Variants in TYMS observed in about 807,000 individuals in gnomAD.
TYMS encodes the protein thymidylate synthase.
A neutral mutation model predicts 39.3 loss-of-function variants in TYMS; 21 were observed. The ratio of observed to expected loss-of-function variants is 0.54; its 90% CI spans 0.38 to 0.77. The LOEUF (loss-of-function observed/expected upper bound fraction) is 0.77. Among genes scored for constraint, TYMS ranks in the 30% least tolerant of loss-of-function variants. TYMS has a pLI of 0.00. For missense variants in TYMS, 273 were observed against 406.7 expected (o/e 0.67, Z 2.83); for synonymous variants, 171 against 162.2 (o/e 1.05, Z -0.41).
At chr18:659,960 G>A (rs1472592306) in intron 2 of TYMS, among the ~76,000 whole-genome samples, 1 of 152,196 alleles carries the variant, frequency 6.6e-6, no homozygotes, top group Non-Finnish European at 1.5e-5. Context: ...TGTAATCCTA[G>A]CTACTCAGGA....
At chr18:662,115 A>G (rs746524154) in intron 2 of TYMS, 31 bp from the exon 3 acceptor site, 100 of 1,572,398 alleles carry the variant, frequency 6.4e-5, no homozygotes, top group Non-Finnish European at 8.4e-5. Context: ...ATTTACCTGG[A>G]TGCCTGCTCT....
At position 673,058 on chromosome 18, in the gene TYMS, G is replaced by T; in HGVS notation, c.*61G>T. 7.0e-7 allele frequency: 1 copy of T among 1,432,182 alleles called. No homozygotes were observed. The highest frequency in any genetic ancestry group is 9.3e-7 in the Non-Finnish European group (1 of 1,075,436). 88.7% of individuals were successfully genotyped at this position (1,432,182 alleles called of 1,614,324 possible). A position where few individuals can be genotyped will look rare whatever the true frequency, so the allele number is the denominator to read the frequency against. ...CTTTAGGGGTTGGGCTGGATGCCGA[G>T]GTAAAAGTTCTTTTTGCTCTAAAAG... On this transcript the variant is annotated 3_prime_UTR_variant, in exon 7 of 7. Coordinates refer to ENST00000323274, the MANE Select transcript of TYMS (RefSeq NM_001071.4).
rs9953447 is a variant in TYMS at position 672,696 on chromosome 18, G to A, written c.805-164G>A. On this transcript the variant is annotated intron_variant, in intron 6 of 6. Coordinates refer to ENST00000323274, the MANE Select transcript of TYMS (RefSeq NM_001071.4). ...TCTGTGCAAGAGAACAGCTGGTTGCGCTCCAATCATGTTACATAACCTACG... is the reference window on the plus strand; with the variant it reads ...TCTGTGCAAGAGAACAGCTGGTTGCACTCCAATCATGTTACATAACCTACG... 4.3e-4 allele frequency: 282 copies of A among 648,896 alleles called. No homozygotes were observed. In the East Asian group the frequency reaches 6.9e-3, roughly 16 times the overall value. The allele number at this position is 648,896 out of a possible 1,614,324, so 40.2% of individuals were successfully genotyped here.
chr18:659,695 A>C lies in TYMS; in HGVS notation c.260A>C (p.Glu87Ala), dbSNP rs1182954109. Residue 87 changes from glutamate to alanine, a missense_variant, in exon 2 of 7, where the codon GAG becomes GCG. Transcript: ENST00000323274. ...KRVFWKGVLE[E>A]LLWFIKGSTN... ...GTGTTCTGGAAGGGTGTTTTGGAGG[A>C]GTTGCTGTGGTTTATCAAGGTAAAG... 6.2e-7 allele frequency: 1 copy of C among 1,614,028 alleles called. No homozygotes were observed. Among genetic ancestry groups the C allele is most frequent in the Non-Finnish European group, 8.5e-7 (1 of 1,179,980 alleles).
At chr18:663,307 A>T (rs1288111329) in intron 3 of TYMS, among the ~76,000 whole-genome samples, 1 of 97,198 alleles carries the variant, frequency 1.0e-5, no homozygotes, top group Non-Finnish European at 1.9e-5. Context: ...GGCTGCATAA[A>T]TGTCTTCTTT....
At chr18:671,773 GT>G (rs2075062542) in intron 6 of TYMS, 1 of 291,296 alleles carries the variant, frequency 3.4e-6, no homozygotes, top group Non-Finnish European at 5.9e-6. Context: ...AAGTGCAAAT[GT>G]TTTTCCTTTT....
intron 3 of TYMS, among the ~76,000 whole-genome samples, chr18:668,421 A>C (rs2144329551): frequency 6.6e-6 from 1 of 152,328 alleles, no homozygotes; most frequent in Middle Eastern, 3.4e-3. Context: ...CTCAGAAGGA[A>C]GGAAAGGGAT....
chr18:671,490 C>G (rs778166196), intron 6 of TYMS, 39 bp downstream of exon 6: 12 of 1,324,806 alleles, frequency 9.1e-6, no homozygotes, highest in East Asian at 2.3e-5. Flanking sequence ...TTGGTACCTT[C>G]TCTTGATAAA....
In TYMS at chr18:658,312, C is replaced by G; in HGVS notation, c.205+365C>G. On this transcript the variant is annotated intron_variant, in intron 1 of 6. Transcript: ENST00000323274. The surrounding 1 kb of genome is among the most constrained non-coding windows in gnomAD (Gnocchi z 4.5). ...TGCCTGGGCTTGACCGCGCGCCGGT[C>G]TCAAAGTCCTGGCTTTGGCCCCTCC... The G allele has an allele frequency of 7.2e-7, 1 of 1,380,042 alleles. No individual in the cohort carries two copies. The highest frequency in any genetic ancestry group is 9.6e-7 in the Non-Finnish European group (1 of 1,039,118). 85.5% of individuals were successfully genotyped at this position (1,380,042 alleles called of 1,614,324 possible). A position where few individuals can be genotyped will look rare whatever the true frequency, so the allele number is the denominator to read the frequency against.
At chr18:659,015 G>C (rs2074727296) in intron 1 of TYMS, among the ~76,000 whole-genome samples, 2 of 152,154 alleles carry the variant, frequency 1.3e-5, no homozygotes, top group African/African-American at 2.4e-5. Context: ...CCTTTGATGA[G>C]CCATAGACCT....
At chr18:662,371 G>A in intron 3 of TYMS, 51 bp downstream of exon 3, 2 of 1,502,808 alleles carry the variant, frequency 1.3e-6, no homozygotes, top group Non-Finnish European at 1.8e-6. Flanking sequence ...TTCCTAGCAT[G>A]TGTTTGCTCC....
rs185953635 is a variant in TYMS, at chr18:661,940, G to A, written c.280-206G>A. ...GTGGAGGGTGCCGTGAGCCACGATC[G>A]CGCCATTGCACTCCAGCCTGGGCAA... On this transcript the variant is annotated intron_variant, in intron 2 of 6. Transcript: ENST00000323274. 1.4e-4 allele frequency among the ~76,000 whole-genome samples: 22 copies of A among 152,306 alleles called. No individual in the cohort carries two copies. The East Asian group carries it at 3.1e-3, about 21-fold the overall frequency.
Position 662,188 on chromosome 18 carries a change from A to G in TYMS, c.322A>G (p.Ile108Val). The G allele has an allele frequency of 6.2e-7, 1 of 1,613,756 alleles. No individual in the cohort carries two copies. Among genetic ancestry groups the G allele is most frequent in the South Asian group, 1.1e-5 (1 of 91,012 alleles). Residue 108 changes from isoleucine (I) to valine (V), a missense_variant, in exon 3 of 7, where the codon ATC (isoleucine) becomes GTC (valine). Transcript: ENST00000323274. ...AKELSSKGVKIWDANGSRDFL... is the reference protein window; with the variant it reads ...AKELSSKGVKVWDANGSRDFL... Reference sequence around the variant, plus strand: ...AGAGCTGTCTTCCAAGGGAGTGAAAATCTGGGATGCCAATGGATCCCGAGA... The same window carrying G: ...AGAGCTGTCTTCCAAGGGAGTGAAAGTCTGGGATGCCAATGGATCCCGAGA...
chr18:662,004 T>G, intron 2 of TYMS, 142 bp from the exon 3 acceptor site: 1 of 804,742 alleles, frequency 1.2e-6, no homozygotes, highest in Non-Finnish European at 1.9e-6. Context: ...AAAGGATGGG[T>G]TCCATATGGG....
Position 658,456 on chromosome 18 carries a change from G to A in TYMS, c.205+509G>A, listed in dbSNP as rs2074718149. 1 of 699,938 alleles carries A rather than the reference G, an allele frequency of 1.4e-6. No homozygotes were observed. The highest frequency in any genetic ancestry group is 2.0e-6 in the Non-Finnish European group (1 of 495,746). The allele number at this position is 699,938 out of a possible 1,614,324, so 43.4% of individuals were successfully genotyped here. On this transcript the variant is annotated intron_variant, in intron 1 of 6. Coordinates refer to ENST00000323274, the MANE Select transcript of TYMS (RefSeq NM_001071.4). This position sits in a 1 kb window ranked among gnomAD's most constrained non-coding sequence, Gnocchi z 4.5. The stretch of plus-strand genomic sequence containing the variant: ...AGCACTGAAGCTGGCGCGGGAACTT[G>A]GTTTCCTGGTGGCCTCCCATCCAAT...
rs1363536640 is a variant in TYMS, at chr18:663,342, C to T, written c.454+1022C>T. Among the ~76,000 whole-genome samples, 5 of 97,944 alleles carry T rather than the reference C, an allele frequency of 5.1e-5. 1 individual carries two copies. Among genetic ancestry groups the T allele is most frequent in the East Asian group, 7.5e-4 (2 of 2,670 alleles). The allele number at this position is 97,944 out of a possible 152,430, so 64.3% of individuals were successfully genotyped here. On this transcript the variant is annotated intron_variant, in intron 3 of 6. Coordinates refer to ENST00000323274, the MANE Select transcript of TYMS (RefSeq NM_001071.4). ...TTGAGAAGTGTCTGTTCATGTCCTTCGCCCACTTTTTGATGGGGTTGTTTG... is the reference window on the plus strand; with the variant it reads ...TTGAGAAGTGTCTGTTCATGTCCTTTGCCCACTTTTTGATGGGGTTGTTTG...
In TYMS at chr18:669,171, G is replaced by A. The variant is rs753757524; in HGVS notation, c.554G>A (p.Arg185Lys). 9.0e-5 allele frequency: 146 copies of A among 1,613,756 alleles called. No homozygotes were observed. The highest frequency in any genetic ancestry group is 1.2e-4 in the Non-Finnish European group (141 of 1,179,826). ...ATCATCATGTGCGCTTGGAATCCAA[G>A]AGGTTGAAAGAACCCCGTCGTCTTC... Reference protein sequence around the residue: ...RRIIMCAWNPRDLPLMALPPC... With the variant: ...RRIIMCAWNPKDLPLMALPPC... The change falls in exon 4 of 7, where the codon AGA (arginine) becomes AAA (lysine). Residue 185 changes from arginine (R) to lysine (K), a missense_variant and splice_region_variant. Transcript: ENST00000323274.
intron 3 of TYMS, among the ~76,000 whole-genome samples, chr18:662,675 C>T (rs1001896935): frequency 2.6e-5 from 4 of 151,828 alleles, no homozygotes; most frequent in Admixed American, 2.0e-4. Context: ...TCCTCCCACC[C>T]CACAACAGTC....
chr18:668,618 A>G (rs2074906287), intron 3 of TYMS, among the ~76,000 whole-genome samples: 1 of 152,222 alleles, frequency 6.6e-6, no homozygotes, highest in Non-Finnish European at 1.5e-5. Flanking sequence ...GTTGGAAAGT[A>G]TATGGAATAC....
Sources: gnomAD v4.1 joint callset for allele counts (sites outside exome capture counted in the v4.1 genomes callset) on GRCh38, gnomAD v4.1.1 for gene constraint, Gnocchi (gnomAD v3.1) non-coding constraint, MANE v1.5 for transcripts, NCBI Gene and HGNC (gene_info 2026-07-23, HGNC 2026-07-21) for gene names.